Variants in ARSK observed in about 807,000 individuals in gnomAD.
ARSK encodes the protein arylsulfatase family member K.
Under a neutral mutation model 53.2 loss-of-function variants are expected in ARSK, and 37 were observed. The observed-to-expected ratio is 0.70, with a 90% CI of 0.54 to 0.92. ARSK has a LOEUF of 0.92. Among genes scored for constraint, ARSK ranks in the 40% least tolerant of loss-of-function variants. The pLI, the probability that ARSK is intolerant of heterozygous loss-of-function variation, is 0.00. For missense variants in ARSK, 613 were observed against 643.0 expected (o/e 0.95, Z 0.51); for synonymous variants, 208 against 223.2 (o/e 0.93, Z 0.61).
intron 6 of ARSK, among the ~76,000 whole-genome samples, chr5:95,600,060 C>T (rs1749377508): frequency 6.6e-6 from 1 of 152,114 alleles, no homozygotes; most frequent in African/African-American, 2.4e-5. Flanking sequence ...GGTCTAATTA[C>T]CTTGAAAGCA....
chr5:95,594,540 A>G (rs1749269762), intron 6 of ARSK, among the ~76,000 whole-genome samples: 1 of 152,180 alleles, frequency 6.6e-6, no homozygotes, highest in African/African-American at 2.4e-5. Context: ...AGAAAATCTT[A>G]TATTAGAAAT....
chr5:95,591,497 A>G lies in ARSK; in HGVS notation c.968A>G (p.Gln323Arg), dbSNP rs1335758499. 1.9e-6 allele frequency: 3 copies of G among 1,614,044 alleles called. No individual in the cohort carries two copies. In the Admixed American group the frequency reaches 5.0e-5, roughly 27 times the overall value. ...DHGELAMEHR[Q>R]FYKMSMYEAS... ...GGAGAGCTGGCCATGGAACATCGACAGTTTTATAAAATGAGCATGTACGAG... is the reference window on the plus strand; with the variant it reads ...GGAGAGCTGGCCATGGAACATCGACGGTTTTATAAAATGAGCATGTACGAG... The change falls in exon 6 of 8, where the codon CAG becomes CGG. Residue 323 changes from glutamine to arginine, a missense_variant. Gln to Arg is a conservative substitution (Grantham distance 43, BLOSUM62 1). Coordinates refer to ENST00000380009, the MANE Select transcript of ARSK (RefSeq NM_198150.3).
chr5:95,603,064 G>A (rs1279503397), intron 7 of ARSK, among the ~76,000 whole-genome samples, 173 bp from the exon 8 acceptor site: 1 of 151,936 alleles, frequency 6.6e-6, no homozygotes, highest in Non-Finnish European at 1.5e-5. Flanking sequence ...TGCAACATAG[G>A]GTGTTTAACT....
chr5:95,587,073 G>C (rs1339805411), intron 5 of ARSK, among the ~76,000 whole-genome samples: 3 of 152,178 alleles, frequency 2.0e-5, no homozygotes, highest in Non-Finnish European at 4.4e-5. Flanking sequence ...TTGTAAGGCA[G>C]CTTAGGTTTC....
Position 95,567,975 on chromosome 5 carries a change from T to C in ARSK, c.342T>C (p.Asp114=). 6.2e-7 allele frequency: 1 copy of C among 1,613,924 alleles called. No individual in the cohort carries two copies. Residue 114 remains aspartate, a synonymous_variant, in exon 3 of 8, where the codon GAT becomes GAC. Coordinates refer to ENST00000380009, the MANE Select transcript of ARSK (RefSeq NM_198150.3). ...GLDPNYTTWM[D]VMERHGYRTQ... is the part of the protein sequence containing the mutation. ...ATCCAAATTATACAACATGGATGGA[T>C]GTCATGGAGAGGCATGGCTACCGAA...
chr5:95,563,345 CT>C (rs1172067721), intron 1 of ARSK, among the ~76,000 whole-genome samples: 1 of 152,112 alleles, frequency 6.6e-6, no homozygotes, highest in Non-Finnish European at 1.5e-5. Context: ...ATAAATTTGT[CT>C]TCTTTTTTAA....
intron 7 of ARSK, among the ~76,000 whole-genome samples, chr5:95,601,972 C>T (rs11949551): frequency 0.16 from 24,971 of 151,914 alleles, 2,965 homozygotes; most frequent in African/African-American, 0.34. Context: ...GCTCAACAGA[C>T]CACATCAAAC....
intron 3 of ARSK, among the ~76,000 whole-genome samples, chr5:95,579,680 A>G (rs1748990256): frequency 6.6e-6 from 1 of 152,240 alleles, no homozygotes; most frequent in Non-Finnish European, 1.5e-5. Flanking sequence ...AATTGTGAAT[A>G]TCTTTATCAG....
rs756760374 is a variant in ARSK at position 95,586,693 on chromosome 5, A to G, written c.831A>G (p.Ala277=). ...AAAAAGAAATTAAGAATATTAGAGC[A>G]TTTTATTATGCTATGTGTGCTGAGA... ...FTKKEIKNIR[A]FYYAMCAETD... The change falls in exon 5 of 8, where the codon GCA becomes GCG. Residue 277 remains alanine, a synonymous_variant. Transcript: ENST00000380009. 1.6e-5 allele frequency: 26 copies of G among 1,611,764 alleles called. No individual in the cohort carries two copies. The highest frequency in any genetic ancestry group is 2.1e-5 in the Non-Finnish European group (25 of 1,178,824).
chr5:95,591,841 C>T (rs1030881027), intron 6 of ARSK, among the ~76,000 whole-genome samples: 7 of 152,146 alleles, frequency 4.6e-5, no homozygotes, highest in Admixed American at 1.3e-4. Context: ...TAGTCATTTT[C>T]CCTCAAAAGA....
In ARSK at chr5:95,591,470, A is replaced by T; in HGVS notation, c.941A>T (p.His314Leu). The change falls in exon 6 of 8, where the codon CAT becomes CTT. Residue 314 changes from histidine to leucine, a missense_variant. Transcript: ENST00000380009. Reference sequence around the variant, plus strand: ...ACTATTGTCATATACTCCTCAGACCATGGAGAGCTGGCCATGGAACATCGA... The same window carrying T: ...ACTATTGTCATATACTCCTCAGACCTTGGAGAGCTGGCCATGGAACATCGA... ...QKTIVIYSSD[H>L]GELAMEHRQF... is the part of the protein sequence containing the mutation. The T allele has an allele frequency of 1.2e-6, 2 of 1,614,110 alleles. No homozygotes were observed. Among genetic ancestry groups the T allele is most frequent in the South Asian group, 1.1e-5 (1 of 91,082 alleles).
chr5:95,596,332 G>C (rs1379106430), intron 6 of ARSK, among the ~76,000 whole-genome samples: 1 of 152,114 alleles, frequency 6.6e-6, no homozygotes, highest in Non-Finnish European at 1.5e-5. Flanking sequence ...ATATAAGCAA[G>C]TATCTATTCT....
At chr5:95,558,686 T>C (rs1040264377) in intron 1 of ARSK, among the ~76,000 whole-genome samples, 3 of 152,144 alleles carry the variant, frequency 2.0e-5, no homozygotes, top group African/African-American at 7.2e-5. Flanking sequence ...AATAGACCTA[T>C]AAGAAGTAAA....
chr5:95,567,848 A>G (rs374024456), intron 2 of ARSK, 42 bp from the exon 3 acceptor site: 34 of 1,555,184 alleles, frequency 2.2e-5, no homozygotes, highest in Non-Finnish European at 2.3e-5. Context: ...TTAAATTGTT[A>G]AGCTTTACCT....
At chr5:95,570,539 G>A (rs1317960223) in intron 3 of ARSK, among the ~76,000 whole-genome samples, 1 of 152,148 alleles carries the variant, frequency 6.6e-6, no homozygotes, top group Non-Finnish European at 1.5e-5. Context: ...TGTTCTGTAA[G>A]AATTCTTGGG....
chr5:95,585,905 T>A (rs1561366588), intron 4 of ARSK, among the ~76,000 whole-genome samples: 1 of 152,236 alleles, frequency 6.6e-6, no homozygotes, highest in Non-Finnish European at 1.5e-5. Context: ...CTTTATATCT[T>A]CTTTAAAAGT....
intron 1 of ARSK, among the ~76,000 whole-genome samples, chr5:95,561,324 C>T (rs1048727116): frequency 2.6e-5 from 4 of 152,290 alleles, no homozygotes; most frequent in South Asian, 2.1e-4. Context: ...GGTAGGATCA[C>T]GCAGCCATTG....
At chr5:95,594,277 A>G (rs1749265359) in intron 6 of ARSK, among the ~76,000 whole-genome samples, 1 of 152,214 alleles carries the variant, frequency 6.6e-6, no homozygotes. Context: ...CAACATTGTA[A>G]CACAATTATT....
At chr5:95,572,759 A>G (rs1339693884) in intron 3 of ARSK, among the ~76,000 whole-genome samples, 1 of 151,516 alleles carries the variant, frequency 6.6e-6, no homozygotes, top group African/African-American at 2.4e-5. Context: ...GCCTGGGTGA[A>G]AGAGCGAGAC....
Sources: gnomAD v4.1 joint callset for allele counts (sites outside exome capture counted in the v4.1 genomes callset) on GRCh38, gnomAD v4.1.1 for gene constraint, MANE v1.5 for transcripts, NCBI Gene and HGNC (gene_info 2026-07-23, HGNC 2026-07-21) for gene names.